The following KMT5B variants were observed in gnomAD, a reference collection of about 807,000 sequenced individuals.
KMT5B encodes histone-lysine N-methyltransferase KMT5B.
A neutral mutation model predicts 83.2 loss-of-function variants in KMT5B; 10 were observed. The ratio of observed to expected loss-of-function variants is 0.12; its 90% CI spans 0.07 to 0.20. KMT5B has a LOEUF of 0.20. Ranked by LOEUF, KMT5B falls within the 10% of genes least tolerant of loss-of-function variation. The pLI, the probability that KMT5B is intolerant of heterozygous loss-of-function variation, is 1.00. For synonymous variants in KMT5B, 349 were observed against 388.8 expected (o/e 0.90, Z 1.20); for missense variants, 753 against 1,067.2 (o/e 0.71, Z 4.10).
At chr11:68,181,825 A>G (rs990551252) in intron 3 of KMT5B, among the ~76,000 whole-genome samples, 1 of 152,182 alleles carries the variant, frequency 6.6e-6, no homozygotes, top group Non-Finnish European at 1.5e-5. Context: ...CTGTTCCCAA[A>G]TATCAGTGTA....
At chr11:68,188,355 T>C (rs1857661433) in intron 2 of KMT5B, among the ~76,000 whole-genome samples, 2 of 151,862 alleles carry the variant, frequency 1.3e-5, no homozygotes, top group South Asian at 2.1e-4. Flanking sequence ...CTTTTTTTTT[T>C]TCTTTAAACA....
chr11:68,182,286 T>C (rs1857011473), intron 3 of KMT5B, among the ~76,000 whole-genome samples: 1 of 152,240 alleles, frequency 6.6e-6, no homozygotes, highest in East Asian at 1.9e-4. Flanking sequence ...CCAGATGTTT[T>C]AGGACCTAGC....
intron 4 of KMT5B, among the ~76,000 whole-genome samples, chr11:68,179,085 A>G (rs1006610193): frequency 3.9e-5 from 6 of 152,092 alleles, no homozygotes; most frequent in Admixed American, 3.9e-4. Context: ...CCTTCCTCAC[A>G]TTGTTTCATG....
At chr11:68,181,261 G>C (rs1477802958) in intron 3 of KMT5B, among the ~76,000 whole-genome samples, 1 of 151,996 alleles carries the variant, frequency 6.6e-6, no homozygotes, top group Non-Finnish European at 1.5e-5. Context: ...TTTTAGTAGA[G>C]ACGGGGTTTC....
intron 10 of KMT5B, among the ~76,000 whole-genome samples, chr11:68,165,405 G>A (rs1348906517): frequency 6.6e-6 from 1 of 152,192 alleles, no homozygotes; most frequent in African/African-American, 2.4e-5. Flanking sequence ...TTGGGAGGCT[G>A]AGGCAGGAGA....
At chr11:68,197,282 C>A (rs1254951793) in intron 1 of KMT5B, among the ~76,000 whole-genome samples, 1 of 152,124 alleles carries the variant, frequency 6.6e-6, no homozygotes, top group Non-Finnish European at 1.5e-5. Context: ...CATGGAAAGT[C>A]TTTAAGTCCC....
intron 5 of KMT5B, chr11:68,174,169 G>C (rs1475007027): frequency 1.7e-6 from 1 of 573,514 alleles, no homozygotes; most frequent in African/African-American, 1.8e-5. Context: ...CCATAATCAG[G>C]CCACTGCACT....
intron 9 of KMT5B, among the ~76,000 whole-genome samples, chr11:68,168,356 G>C (rs1481075374): frequency 7.1e-6 from 1 of 140,372 alleles, no homozygotes; most frequent in Non-Finnish European, 1.5e-5. Flanking sequence ...TTTTTTTTGA[G>C]ACACAGTCTT....
intron 1 of KMT5B, among the ~76,000 whole-genome samples, chr11:68,204,611 GTTT>G (rs34315868): frequency 3.0e-4 from 32 of 106,146 alleles, no homozygotes; most frequent in South Asian, 2.4e-3. Context: ...TAAATTTCCG[GTTT>G]TTTTTTTTTT....
intron 1 of KMT5B, among the ~76,000 whole-genome samples, chr11:68,203,168 G>A (rs1859667271): frequency 6.6e-6 from 1 of 151,818 alleles, no homozygotes; most frequent in South Asian, 2.1e-4. Flanking sequence ...GAGAGACGAG[G>A]TTTCACCATG....
chr11:68,171,849 C>T lies in KMT5B; in HGVS notation c.654-140G>A, dbSNP rs1855864536. ...TACTTTAGTTAGCTCACTGGGATCC[C>T]CACCTGGCTATCTTCTCTCCTACCC... On this transcript the variant is annotated intron_variant, in intron 6 of 10. Transcript: ENST00000304363. The surrounding 1 kb of genome is among the most constrained non-coding windows in gnomAD (Gnocchi z 5.1). 3.0e-6 allele frequency: 2 copies of T among 674,018 alleles called. No homozygotes were observed. Among genetic ancestry groups the T allele is most frequent in the African/African-American group, 1.8e-5 (1 of 54,866 alleles). 41.8% of individuals were successfully genotyped at this position (674,018 alleles called of 1,614,324 possible). A position where few individuals can be genotyped will look rare whatever the true frequency, so the allele number is the denominator to read the frequency against.
rs1859304924 is a variant in KMT5B, at chr11:68,156,471, C to A, written c.*1217G>T. The stretch of plus-strand genomic sequence containing the variant: ...TAACTGATAATATAGTCAAAAAAAT[C>A]TTTGATGTTTTCATAATAAACTAAC... On this transcript the variant is annotated 3_prime_UTR_variant, in exon 11 of 11. Coordinates refer to ENST00000304363, the MANE Select transcript of KMT5B (RefSeq NM_017635.5). 6.6e-6 allele frequency: 1 copy of A among 152,590 alleles called. No homozygotes were observed. The highest frequency in any genetic ancestry group is 1.5e-5 in the Non-Finnish European group (1 of 68,012). The allele number at this position is 152,590 out of a possible 1,614,324, so 9.5% of individuals were successfully genotyped here.
chr11:68,166,089 T>C, intron 10 of KMT5B: 2 of 1,493,738 alleles, frequency 1.3e-6, no homozygotes, highest in Non-Finnish European at 1.8e-6. Context: ...AGGCATACTT[T>C]CGGAATCGCC....
chr11:68,156,769 ATAAGT>A lies in KMT5B; in HGVS notation c.*914_*918del, dbSNP rs1214147765. On this transcript the variant is annotated 3_prime_UTR_variant, in exon 11 of 11. Transcript: ENST00000304363. ...TCATGTTTTTATTTCATAAACTATTATAAGTTAAAGTGAATAGATTTTTTTAATAT... is the reference window on the plus strand; with the variant it reads ...TCATGTTTTTATTTCATAAACTATTATAAAGTGAATAGATTTTTTTAATAT... The A allele has an allele frequency of 1.3e-5, 2 of 152,666 alleles. No homozygotes were observed. Among genetic ancestry groups the A allele is most frequent in the Non-Finnish European group, 2.9e-5 (2 of 68,044 alleles). The allele number at this position is 152,666 out of a possible 1,614,324, so 9.5% of individuals were successfully genotyped here.
At position 68,158,167 on chromosome 11, in the gene KMT5B, T is replaced by C. The variant is rs769959524; in HGVS notation, c.2179A>G (p.Ser727Gly). ...KLTLRRRHDS[S>G]SKTNDQENDG... ...TTCTCTTGGTCATTTGTTTTGCTGC[T>C]GCTATCATGACGCCTACGAAGAGTC... The change falls in exon 11 of 11, where the codon AGC (serine) becomes GGC (glycine). Residue 727 changes from serine to glycine, a missense_variant. Ser to Gly is a moderately conservative substitution (Grantham distance 56). Coordinates refer to ENST00000304363, the MANE Select transcript of KMT5B (RefSeq NM_017635.5). 1 of 1,614,208 alleles carries C rather than the reference T, an allele frequency of 6.2e-7. No individual in the cohort carries two copies. Among genetic ancestry groups the C allele is most frequent in the Admixed American group, 1.7e-5 (1 of 60,028 alleles).
At chr11:68,165,780 G>C (rs1185751830) in intron 10 of KMT5B, 4 of 1,531,312 alleles carry the variant, frequency 2.6e-6, no homozygotes, top group African/African-American at 1.4e-5. Flanking sequence ...ACTAACTCTT[G>C]TTGTTCACTC....
intron 2 of KMT5B, among the ~76,000 whole-genome samples, chr11:68,189,099 A>C (rs778979537): frequency 3.9e-5 from 6 of 152,256 alleles, no homozygotes; most frequent in Non-Finnish European, 7.3e-5. Flanking sequence ...AAACTACAGA[A>C]AATCCCAGGC....
intron 6 of KMT5B, among the ~76,000 whole-genome samples, chr11:68,173,117 T>C (rs1448860518): frequency 1.3e-5 from 2 of 152,198 alleles, no homozygotes; most frequent in Non-Finnish European, 2.9e-5. Flanking sequence ...CTCAGCTCAC[T>C]ATAGCCTCTG....
At chr11:68,183,552 T>A (rs1446396821) in intron 3 of KMT5B, among the ~76,000 whole-genome samples, 1 of 151,614 alleles carries the variant, frequency 6.6e-6, no homozygotes, top group African/African-American at 2.4e-5. Context: ...AGAGACGGGG[T>A]TTCAGCATGT....
Sources: gnomAD v4.1 joint callset for allele counts (sites outside exome capture counted in the v4.1 genomes callset) on GRCh38, gnomAD v4.1.1 for gene constraint, Gnocchi (gnomAD v3.1) non-coding constraint, MANE v1.5 for transcripts, NCBI Gene and HGNC (gene_info 2026-07-23, HGNC 2026-07-21) for gene names.